The following MOB3B variants were observed in gnomAD, a reference collection of about 807,000 sequenced individuals.
MOB3B encodes MOB kinase activator-like 2B.
A neutral mutation model predicts 18.7 loss-of-function variants in MOB3B; 7 were observed. That is an observed-to-expected ratio of 0.37 (90% CI 0.21 to 0.70). MOB3B has a LOEUF of 0.70. MOB3B is among the 30% of genes least tolerant of loss of function. The probability of loss-of-function intolerance (pLI) is 0.52; values close to 1 mark genes in which losing one functional copy is unlikely to be tolerated. For synonymous variants in MOB3B, 111 were observed against 99.9 expected (o/e 1.11, Z -0.66); for missense variants, 253 against 281.3 (o/e 0.90, Z 0.72).
At chr9:27,485,429 AAC>A (rs1819717957) in intron 1 of MOB3B, among the ~76,000 whole-genome samples, 1 of 152,186 alleles carries the variant, frequency 6.6e-6, no homozygotes, top group Non-Finnish European at 1.5e-5. Flanking sequence ...AGGCCTCTCC[AAC>A]ACCACTATTT....
intron 2 of MOB3B, among the ~76,000 whole-genome samples, chr9:27,425,482 A>C (rs1441288053): frequency 4.6e-5 from 7 of 152,196 alleles, no homozygotes; most frequent in Non-Finnish European, 1.0e-4. Flanking sequence ...GCTGTGATAC[A>C]TATAGTACCC....
chr9:27,523,121 CT>C (rs1006362879), intron 1 of MOB3B, among the ~76,000 whole-genome samples: 28 of 152,022 alleles, frequency 1.8e-4, no homozygotes, highest in African/African-American at 4.3e-4. Context: ...TAATGTATAT[CT>C]TTTTTTTCTT....
intron 1 of MOB3B, among the ~76,000 whole-genome samples, chr9:27,458,740 G>C (rs990240134): frequency 6.6e-6 from 1 of 151,668 alleles, no homozygotes; most frequent in Non-Finnish European, 1.5e-5. Context: ...GTATTTTGTA[G>C]AGACATGGTC....
At chr9:27,384,670 AAT>A (rs1299970617) in intron 2 of MOB3B, among the ~76,000 whole-genome samples, 1 of 152,186 alleles carries the variant, frequency 6.6e-6, no homozygotes, top group African/African-American at 2.4e-5. Context: ...GGAAGGCAGC[AAT>A]GCTCTTTCCC....
chr9:27,529,789 G>T lies in MOB3B; in HGVS notation c.-433C>A. ...AGCAGCCCCCTCATGCACCCAGCGC[G>T]CCGCGCAGCCGGCCGGGGCTCGACT... On this transcript the variant is annotated 5_prime_UTR_variant, in exon 1 of 4. Coordinates refer to ENST00000262244, the MANE Select transcript of MOB3B (RefSeq NM_024761.5). The T allele has an allele frequency of 1.0e-6, 1 of 985,352 alleles. No individual in the cohort carries two copies. The highest frequency in any genetic ancestry group is 1.2e-6 in the Non-Finnish European group (1 of 829,906). The allele number at this position is 985,352 out of a possible 1,614,324, so 61.0% of individuals were successfully genotyped here.
At chr9:27,384,206 C>T (rs12346755) in intron 2 of MOB3B, among the ~76,000 whole-genome samples, 13,609 of 151,996 alleles carry the variant, frequency 0.09, 824 homozygotes, top group African/African-American at 0.18. Context: ...CATGGAGCCA[C>T]GGTTAGACAC....
intron 1 of MOB3B, among the ~76,000 whole-genome samples, chr9:27,480,059 T>TA (rs35766164): frequency 0.24 from 33,178 of 136,484 alleles, 3,953 homozygotes; most frequent in Non-Finnish European, 0.27. Flanking sequence ...ACTGTCTCTT[T>TA]AAAAAAAAAA....
At chr9:27,500,081 CA>C (rs1819966429) in intron 1 of MOB3B, among the ~76,000 whole-genome samples, 1 of 152,060 alleles carries the variant, frequency 6.6e-6, no homozygotes, top group Non-Finnish European at 1.5e-5. Context: ...TCAGAACTAT[CA>C]ATAACTTATA....
At chr9:27,335,504 G>T (rs986487894) in intron 3 of MOB3B, among the ~76,000 whole-genome samples, 1 of 152,156 alleles carries the variant, frequency 6.6e-6, no homozygotes, top group African/African-American at 2.4e-5. Flanking sequence ...ATCATCTCAT[G>T]ATGCTCCTAA....
At chr9:27,495,610 A>G (rs1006329483) in intron 1 of MOB3B, among the ~76,000 whole-genome samples, 1 of 152,224 alleles carries the variant, frequency 6.6e-6, no homozygotes, top group African/African-American at 2.4e-5. Context: ...GTGTAAACAA[A>G]TGAAGAAAGT....
chr9:27,392,271 C>T (rs549312948), intron 2 of MOB3B, among the ~76,000 whole-genome samples: 1 of 152,232 alleles, frequency 6.6e-6, no homozygotes, highest in South Asian at 2.1e-4. Context: ...ACAGGTAATT[C>T]TTGAACATCA....
intron 2 of MOB3B, among the ~76,000 whole-genome samples, chr9:27,377,259 A>C (rs989045089): frequency 6.6e-6 from 1 of 152,238 alleles, no homozygotes; most frequent in African/African-American, 2.4e-5. Context: ...CTGAACACCC[A>C]AAACAGATGT....
chr9:27,454,739 T>C (rs765503480), intron 2 of MOB3B, among the ~76,000 whole-genome samples: 4 of 152,258 alleles, frequency 2.6e-5, no homozygotes, highest in Non-Finnish European at 5.9e-5. Context: ...ATTCTCACAC[T>C]GGAATTTCTT....
intron 1 of MOB3B, among the ~76,000 whole-genome samples, chr9:27,509,030 T>C (rs1350012617): frequency 6.6e-6 from 1 of 152,176 alleles, no homozygotes; most frequent in African/African-American, 2.4e-5. Flanking sequence ...CGTGGCATTA[T>C]GGAAAGAATG....
intron 1 of MOB3B, among the ~76,000 whole-genome samples, chr9:27,513,453 C>T (rs538505261): frequency 7.3e-4 from 111 of 152,312 alleles, no homozygotes; most frequent in African/African-American, 2.4e-3. Context: ...GAAACTCTTT[C>T]ATACGTTTTA....
In MOB3B at chr9:27,493,627, C is replaced by T. The variant is rs1053593201; in HGVS notation, c.-199+35928G>A. 5.9e-5 allele frequency among the ~76,000 whole-genome samples: 9 copies of T among 151,750 alleles called. No individual in the cohort carries two copies. The South Asian group carries it at 8.3e-4, about 14-fold the overall frequency. ...CTGCATTCCAGCCTGGGCGACTGAG[C>T]GAGACTCCATCTCAAAAAAAAAAAA... On this transcript the variant is annotated intron_variant, in intron 1 of 3. Transcript: ENST00000262244.
At chr9:27,514,366 A>AAAAAAAAAAC (rs1820198050) in intron 1 of MOB3B, among the ~76,000 whole-genome samples, 1 of 151,406 alleles carries the variant, frequency 6.6e-6, no homozygotes, top group African/African-American at 2.4e-5. Context: ...AAAAAAAAAA[A>AAAAAAAAAAC]AAGACCACAA....
At chr9:27,407,228 T>G (rs554612765) in intron 2 of MOB3B, among the ~76,000 whole-genome samples, 1 of 152,314 alleles carries the variant, frequency 6.6e-6, no homozygotes, top group East Asian at 1.9e-4. Context: ...CATCTGAGTT[T>G]AGAAAAAATG....
intron 2 of MOB3B, among the ~76,000 whole-genome samples, chr9:27,454,078 G>A (rs899438022): frequency 7.9e-5 from 12 of 152,076 alleles, no homozygotes; most frequent in South Asian, 2.1e-4. Context: ...TTTGTGTGCC[G>A]AATATTTCAA....
Sources: allele counts gnomAD v4.1 joint callset (sites outside exome capture counted in the v4.1 genomes callset), GRCh38; gene constraint gnomAD v4.1.1; transcripts MANE v1.5; gene names NCBI Gene and HGNC (gene_info 2026-07-23, HGNC 2026-07-21).